Variants in SYT1 observed in about 807,000 individuals in gnomAD.
The protein encoded by SYT1 is synaptotagmin-1.
Under a neutral mutation model 44.8 loss-of-function variants are expected in SYT1, and 8 were observed. That is an observed-to-expected ratio of 0.18 (90% confidence interval 0.10 to 0.32). The LOEUF (loss-of-function observed/expected upper bound fraction) is 0.32. Among genes scored for constraint, SYT1 ranks in the 10% least tolerant of loss-of-function variants. The pLI, the probability that SYT1 is intolerant of heterozygous loss-of-function variation, is 1.00. For missense variants in SYT1, 286 were observed against 509.3 expected (o/e 0.56, Z 4.22); for synonymous variants, 154 against 188.8 (o/e 0.82, Z 1.51).
At chr12:79,091,429 A>G (rs1877769245) in intron 3 of SYT1, among the ~76,000 whole-genome samples, 1 of 152,044 alleles carries the variant, frequency 6.6e-6, no homozygotes, top group African/African-American at 2.4e-5. Context: ...TAATTGAAGC[A>G]GCATATAAAC....
intron 1 of SYT1, among the ~76,000 whole-genome samples, chr12:78,973,934 AAAAAATATATATATATATAT>A (rs1868594280): frequency 3.4e-5 from 1 of 29,170 alleles, no homozygotes; most frequent in Non-Finnish European, 5.8e-5. Flanking sequence ...AAAAAAAAAA[AAAAAATATATATATATATAT>A]ATATATATAT....
At position 79,349,178 on chromosome 12, in the gene SYT1, C is replaced by T. The variant is rs544081765; in HGVS notation, c.811-4324C>T. 3.5e-4 allele frequency among the ~76,000 whole-genome samples: 49 copies of T among 141,884 alleles called. No homozygotes were observed. In the South Asian group the frequency reaches 5.2e-3, roughly 15 times the overall value. The allele number at this position is 141,884 out of a possible 152,430, so 93.1% of individuals were successfully genotyped here. On this transcript the variant is annotated intron_variant, in intron 8 of 10. Coordinates refer to ENST00000261205, the MANE Select transcript of SYT1 (RefSeq NM_005639.3). ...AAAGGGGAAGGAAGGAAAGAAGGGA[C>T]GGAGGGAAGGAAGGAAGGGGAAGGA...
chr12:79,069,033 A>G (rs1441888507), intron 3 of SYT1, among the ~76,000 whole-genome samples: 1 of 152,206 alleles, frequency 6.6e-6, no homozygotes, highest in African/African-American at 2.4e-5. Flanking sequence ...CTCTTCCTGC[A>G]TATACAGGCC....
At chr12:78,869,872 G>T (rs1873729891) in intron 1 of SYT1, among the ~76,000 whole-genome samples, 1 of 151,884 alleles carries the variant, frequency 6.6e-6, no homozygotes, top group Non-Finnish European at 1.5e-5. Flanking sequence ...TACTGCTATT[G>T]CGGAAATACA....
intron 9 of SYT1, among the ~76,000 whole-genome samples, chr12:79,424,336 G>C (rs1367470309): frequency 1.3e-5 from 2 of 152,068 alleles, no homozygotes; most frequent in African/African-American, 4.8e-5. Flanking sequence ...CTCTTTCTCT[G>C]AAAGTGCCTT....
At chr12:78,969,527 G>C (rs1868325668) in intron 1 of SYT1, among the ~76,000 whole-genome samples, 1 of 152,194 alleles carries the variant, frequency 6.6e-6, no homozygotes, top group Non-Finnish European at 1.5e-5. Flanking sequence ...GAGAATGGTA[G>C]ATAAGGCCAG....
chr12:79,174,695 A>G (rs1315073295), intron 3 of SYT1, among the ~76,000 whole-genome samples: 1 of 152,034 alleles, frequency 6.6e-6, no homozygotes, highest in Non-Finnish European at 1.5e-5. Context: ...GACAGTACAG[A>G]AGGTGTCATA....
chr12:79,314,249 G>A (rs1034494577), intron 8 of SYT1, among the ~76,000 whole-genome samples: 8 of 151,132 alleles, frequency 5.3e-5, no homozygotes, highest in South Asian at 4.2e-4. Context: ...CTTGCCAGCC[G>A]AAAAGCATTG....
intron 9 of SYT1, among the ~76,000 whole-genome samples, chr12:79,377,975 A>G (rs376737371): frequency 6.6e-6 from 1 of 152,150 alleles, no homozygotes; most frequent in African/African-American, 2.4e-5. Context: ...TCATTATCTC[A>G]ACCATGACAA....
chr12:79,388,777 T>C (rs1289188404), intron 9 of SYT1, among the ~76,000 whole-genome samples: 1 of 152,132 alleles, frequency 6.6e-6, no homozygotes, highest in Admixed American at 6.5e-5. Context: ...GTTCTACTCA[T>C]AGAAAAACTT....
chr12:79,294,211 A>G (rs1019407869), intron 6 of SYT1, among the ~76,000 whole-genome samples: 7 of 152,076 alleles, frequency 4.6e-5, no homozygotes, highest in Non-Finnish European at 8.8e-5. Context: ...TTAAGAAAAT[A>G]AATAATAACA....
intron 3 of SYT1, among the ~76,000 whole-genome samples, chr12:79,100,329 A>T (rs193109100): frequency 6.6e-6 from 1 of 152,212 alleles, no homozygotes; most frequent in African/African-American, 2.4e-5. Flanking sequence ...TAGCTCCCAA[A>T]CCTCGTCTTA....
chr12:79,030,122 A>C (rs1230003709), intron 2 of SYT1, among the ~76,000 whole-genome samples: 2 of 151,198 alleles, frequency 1.3e-5, no homozygotes, highest in African/African-American at 4.8e-5. Context: ...ACAATATTTT[A>C]TTTTATTCAA....
intron 4 of SYT1, among the ~76,000 whole-genome samples, chr12:79,283,341 G>A (rs1411768302): frequency 2.6e-5 from 4 of 152,122 alleles, no homozygotes; most frequent in Admixed American, 6.5e-5. Context: ...AAGTTTTTCA[G>A]TGGTTATAAA....
At chr12:79,153,191 T>A (rs911922003) in intron 3 of SYT1, among the ~76,000 whole-genome samples, 1 of 152,122 alleles carries the variant, frequency 6.6e-6, no homozygotes, top group Non-Finnish European at 1.5e-5. Context: ...TCCAAAATTA[T>A]TTAATTTCAC....
intron 3 of SYT1, among the ~76,000 whole-genome samples, chr12:79,214,763 A>T (rs1053899598): frequency 6.6e-6 from 1 of 152,202 alleles, no homozygotes; most frequent in African/African-American, 2.4e-5. Flanking sequence ...GAGCTATTGT[A>T]CTTAGCTATT....
chr12:79,145,117 G>C (rs994301596), intron 3 of SYT1, among the ~76,000 whole-genome samples: 1 of 152,122 alleles, frequency 6.6e-6, no homozygotes, highest in African/African-American at 2.4e-5. Flanking sequence ...GCATATAAAA[G>C]TACACAGGAC....
At chr12:79,185,816 A>G (rs896584164) in intron 3 of SYT1, among the ~76,000 whole-genome samples, 1 of 152,036 alleles carries the variant, frequency 6.6e-6, no homozygotes, top group Non-Finnish European at 1.5e-5. Flanking sequence ...TCTATAAAAT[A>G]TGTCCTATAT....
rs111372513 is a variant in SYT1, at chr12:79,365,411, A to C, written c.928+11792A>C. On this transcript the variant is annotated intron_variant, in intron 9 of 10. Coordinates refer to ENST00000261205, the MANE Select transcript of SYT1 (RefSeq NM_005639.3). ...TATATAAATTCACTGAAAGACTTCA[A>C]ATGAGACCTAAATAAATAGAAAAAT... 5.3e-5 allele frequency among the ~76,000 whole-genome samples: 8 copies of C among 152,184 alleles called. 1 individual carries two copies. Among genetic ancestry groups the C allele is most frequent in the African/African-American group, 1.9e-4 (8 of 41,552 alleles).
Sources: allele counts gnomAD v4.1 joint callset (sites outside exome capture counted in the v4.1 genomes callset), GRCh38; gene constraint gnomAD v4.1.1; transcripts MANE v1.5; gene names NCBI Gene and HGNC (gene_info 2026-07-23, HGNC 2026-07-21).